RHCG: variants seen among roughly 807,000 people sequenced by gnomAD.
RHCG encodes the protein ammonium transporter Rh type C.
Under a neutral mutation model 55.3 loss-of-function variants are expected in RHCG, and 39 were observed. The observed-to-expected ratio is 0.70, with a 90% CI of 0.55 to 0.92. The LOEUF is 0.92. RHCG is among the 40% of genes least tolerant of loss of function. The pLI, the probability that RHCG is intolerant of heterozygous loss-of-function variation, is 0.00. For synonymous variants in RHCG, 250 were observed against 246.8 expected, an observed-to-expected ratio of 1.01 and a Z score of -0.12; for missense variants, 635 against 627.9, an observed-to-expected ratio of 1.01 and a Z score of -0.12.
Position 89,477,052 on chromosome 15 carries a change from C to T in RHCG, c.1237+30G>A. 6.2e-7 allele frequency: 1 copy of T among 1,613,692 alleles called. No individual in the cohort carries two copies. Among genetic ancestry groups the T allele is most frequent in the Non-Finnish European group, 8.5e-7 (1 of 1,179,736 alleles). ...CCCAGGGAGCCCCACAGCAGCACCC[C>T]CCTTCTCTGGCTCAGCCATTCCTGC... On this transcript the variant is annotated intron_variant, in intron 8 of 10. Coordinates refer to ENST00000268122, the MANE Select transcript of RHCG (RefSeq NM_016321.3). The surrounding 1 kb of genome is among the most constrained non-coding windows in gnomAD (Gnocchi z 4.5).
chr15:89,475,532 C>T (rs1032906609), intron 9 of RHCG, among the ~76,000 whole-genome samples: 1 of 152,212 alleles, frequency 6.6e-6, no homozygotes, highest in African/African-American at 2.4e-5. Flanking sequence ...AGGCATGAGC[C>T]ACTGCGCCCA....
At chr15:89,494,800 G>A (rs998459213) in intron 1 of RHCG, among the ~76,000 whole-genome samples, 3 of 151,944 alleles carry the variant, frequency 2.0e-5, no homozygotes, top group Non-Finnish European at 2.9e-5. Context: ...GTGAGCCATC[G>A]CACCCAGCCT....
rs1325227888 is a variant in RHCG at position 89,477,742 on chromosome 15, C to A, written c.976-89G>T. 2 of 1,601,634 alleles carry A rather than the reference C, an allele frequency of 1.2e-6. No individual in the cohort carries two copies. Among genetic ancestry groups the A allele is most frequent in the African/African-American group, 2.7e-5 (2 of 74,514 alleles). On this transcript the variant is annotated intron_variant, in intron 6 of 10. Transcript: ENST00000268122. This position sits in a 1 kb window ranked among gnomAD's most constrained non-coding sequence, Gnocchi z 4.5. Reference sequence around the variant, plus strand: ...ATTCCAGAGACCCAGGATTCTCTAGCCCTCAGCCCCCTCCCTAGGAACCCT... The same window carrying A: ...ATTCCAGAGACCCAGGATTCTCTAGACCTCAGCCCCCTCCCTAGGAACCCT...
At chr15:89,489,330 G>A (rs766633456) in intron 1 of RHCG, among the ~76,000 whole-genome samples, 3 of 151,748 alleles carry the variant, frequency 2.0e-5, no homozygotes, top group Non-Finnish European at 4.4e-5. Context: ...TGCTATGTGG[G>A]CCAGGCTGGT....
At position 89,477,339 on chromosome 15, in the gene RHCG, C is replaced by G; in HGVS notation, c.1113-133G>C. ...CACAACATGGGGACACCGGACATAT[C>G]AGTTGGCCTCTAAAACTCTAAGGGA... On this transcript the variant is annotated intron_variant, in intron 7 of 10. Coordinates refer to ENST00000268122, the MANE Select transcript of RHCG (RefSeq NM_016321.3). This position sits in a 1 kb window ranked among gnomAD's most constrained non-coding sequence, Gnocchi z 4.5. 7.8e-6 allele frequency: 11 copies of G among 1,410,230 alleles called. No individual in the cohort carries two copies. The highest frequency in any genetic ancestry group is 1.1e-5 in the Non-Finnish European group (11 of 1,026,650). 87.4% of individuals were successfully genotyped at this position (1,410,230 alleles called of 1,614,324 possible). A position where few individuals can be genotyped will look rare whatever the true frequency, so the allele number is the denominator to read the frequency against.
In RHCG at chr15:89,475,961, G is replaced by T. The variant is rs761561308; in HGVS notation, c.1311+794C>A. Among the ~76,000 whole-genome samples, 15 of 151,968 alleles carry T rather than the reference G, an allele frequency of 9.9e-5. No homozygotes were observed. In the East Asian group the frequency reaches 1.2e-3, roughly 12 times the overall value. On this transcript the variant is annotated intron_variant, in intron 9 of 10. Transcript: ENST00000268122. Reference sequence around the variant, plus strand: ...GCCCGCCCCCTTGTTTTGGAATCAGGATGTCTGAGGAACTTAAGACTTTGC... The same window carrying T: ...GCCCGCCCCCTTGTTTTGGAATCAGTATGTCTGAGGAACTTAAGACTTTGC...
intron 8 of RHCG, 104 bp from the exon 9 acceptor site, chr15:89,476,932 G>T: frequency 2.6e-6 from 4 of 1,536,840 alleles, no homozygotes; most frequent in Non-Finnish European, 3.6e-6. Context: ...CTTGGGCTGA[G>T]TTCCAAATTG....
intron 1 of RHCG, among the ~76,000 whole-genome samples, chr15:89,491,070 A>G (rs533704765): frequency 1.3e-5 from 2 of 152,274 alleles, no homozygotes; most frequent in African/African-American, 2.4e-5. Context: ...GCCTGGTGGT[A>G]TAGAGGCGAC....
chr15:89,479,323 A>G lies in RHCG; in HGVS notation c.836T>C (p.Met279Thr). ...SALHKKGKLD[M>T]VHIQNATLAG... ...CACCCCCAACGCCCTCATGCTCACCATGTCCAGCTTGCCCTTCTTGTGCAG... is the reference window on the plus strand; with the variant it reads ...CACCCCCAACGCCCTCATGCTCACCGTGTCCAGCTTGCCCTTCTTGTGCAG... The change falls in exon 5 of 11, where the codon ATG (methionine) becomes ACG (threonine). Residue 279 changes from methionine (M) to threonine (T), a missense_variant and splice_region_variant. Physicochemically the swap from Met to Thr is moderately conservative, Grantham distance 81. Transcript: ENST00000268122. 6.2e-7 allele frequency: 1 copy of G among 1,612,844 alleles called. No individual in the cohort carries two copies. Among genetic ancestry groups the G allele is most frequent in the Non-Finnish European group, 8.5e-7 (1 of 1,179,354 alleles).
In RHCG at chr15:89,477,435, C is replaced by T. The variant is rs930942621; in HGVS notation, c.1112+82G>A. On this transcript the variant is annotated intron_variant, in intron 7 of 10. Transcript: ENST00000268122. This position sits in a 1 kb window ranked among gnomAD's most constrained non-coding sequence, Gnocchi z 4.5. ...GGAAGGAAAGGGAGAAAGATGCAGT[C>T]GGGTCCCAGAGGAATAGCAGGAAGA... is the stretch of plus-strand genomic sequence containing the variant. The T allele has an allele frequency of 3.1e-5, 49 of 1,556,416 alleles. No individual in the cohort carries two copies. In the African/African-American group the frequency reaches 4.9e-4, roughly 16 times the overall value.
chr15:89,484,149 T>TGA (rs576579475), intron 2 of RHCG, among the ~76,000 whole-genome samples: 54 of 152,052 alleles, frequency 3.6e-4, no homozygotes, highest in Non-Finnish European at 6.2e-4. Flanking sequence ...GCTGTGTGTA[T>TGA]GAGAGAGAGA....
intron 9 of RHCG, among the ~76,000 whole-genome samples, chr15:89,473,444 A>G (rs530700421): frequency 2.0e-5 from 3 of 152,290 alleles, no homozygotes; most frequent in East Asian, 3.9e-4. Flanking sequence ...CTCACTCCCA[A>G]GGTAAACCAC....
rs1373027048 is a variant in RHCG, at chr15:89,477,018, G to T, written c.1237+64C>A. On this transcript the variant is annotated intron_variant, in intron 8 of 10. Transcript: ENST00000268122. The surrounding 1 kb of genome is among the most constrained non-coding windows in gnomAD (Gnocchi z 4.5). The stretch of plus-strand genomic sequence containing the variant: ...GGCTGACCTGTGCCGCATGCCCTTT[G>T]CTTCTCCACCCAGGGAGCCCCACAG... 11 of 1,608,370 alleles carry T rather than the reference G, an allele frequency of 6.8e-6. No individual in the cohort carries two copies. Among genetic ancestry groups the T allele is most frequent in the Non-Finnish European group, 9.4e-6 (11 of 1,176,202 alleles).
chr15:89,483,286 T>C (rs1961302447), intron 2 of RHCG, 69 bp from the exon 3 acceptor site: 1 of 1,393,348 alleles, frequency 7.2e-7, no homozygotes, highest in Non-Finnish European at 9.6e-7. Flanking sequence ...CCCTGGACTT[T>C]GGTCATATAT....
chr15:89,472,666 CT>C, intron 10 of RHCG, 44 bp downstream of exon 10: 6 of 1,560,714 alleles, frequency 3.8e-6, no homozygotes, highest in Non-Finnish European at 5.2e-6. Flanking sequence ...TGGGCCCCCA[CT>C]GGGAGAACCT....
chr15:89,483,008 T>C (rs1477336979), intron 3 of RHCG, 59 bp downstream of exon 3: 6 of 1,470,002 alleles, frequency 4.1e-6, no homozygotes, highest in South Asian at 1.5e-5. Context: ...TATTTCTCCA[T>C]ACCCTGCTGT....
At chr15:89,479,048 C>T (rs1323147154) in intron 5 of RHCG, among the ~76,000 whole-genome samples, 6 of 146,640 alleles carry the variant, frequency 4.1e-5, no homozygotes, top group East Asian at 2.0e-4. Flanking sequence ...TGCAGTGAGC[C>T]GAGATAGCGC....
chr15:89,477,322 G>A lies in RHCG; in HGVS notation c.1113-116C>T. On this transcript the variant is annotated intron_variant, in intron 7 of 10. Coordinates refer to ENST00000268122, the MANE Select transcript of RHCG (RefSeq NM_016321.3). The surrounding 1 kb of genome is among the most constrained non-coding windows in gnomAD (Gnocchi z 4.5). ...GCCTCAGCCTTCCCACCCACAACAT[G>A]GGGACACCGGACATATCAGTTGGCC... is the stretch of plus-strand genomic sequence containing the variant. 3 of 1,455,982 alleles carry A rather than the reference G, an allele frequency of 2.1e-6. No homozygotes were observed. Among genetic ancestry groups the A allele is most frequent in the East Asian group, 2.3e-5 (1 of 43,716 alleles). 90.2% of individuals were successfully genotyped at this position (1,455,982 alleles called of 1,614,324 possible). A position where few individuals can be genotyped will look rare whatever the true frequency, so the allele number is the denominator to read the frequency against.
Position 89,487,003 on chromosome 15 carries a change from C to G in RHCG, c.185-18G>C, listed in dbSNP as rs772312088. On this transcript the variant is annotated intron_variant, in intron 1 of 10. Transcript: ENST00000268122. ...CTGGAAGCCTGCGGGGACAGTGCAG[C>G]CCGGGACTCGGTGGTCTGGCGAAGG... The G allele has an allele frequency of 1.9e-6, 3 of 1,544,056 alleles. No individual in the cohort carries two copies. The highest frequency in any genetic ancestry group is 2.6e-6 in the Non-Finnish European group (3 of 1,140,310).
Sources: gnomAD v4.1 joint callset for allele counts (sites outside exome capture counted in the v4.1 genomes callset) on GRCh38, gnomAD v4.1.1 for gene constraint, Gnocchi (gnomAD v3.1) non-coding constraint, MANE v1.5 for transcripts, NCBI Gene and HGNC (gene_info 2026-07-23, HGNC 2026-07-21) for gene names.